Variants in KCNH8 observed in about 807,000 individuals in gnomAD.
The protein encoded by KCNH8 is voltage-gated delayed rectifier potassium channel KCNH8.
Under a neutral mutation model 103.6 loss-of-function variants are expected in KCNH8, and 70 were observed. The ratio of observed to expected loss-of-function variants is 0.68; its 90% CI spans 0.56 to 0.82. The LOEUF (loss-of-function observed/expected upper bound fraction) is 0.82. Among genes scored for constraint, KCNH8 ranks in the 40% least tolerant of loss-of-function variants. The pLI is 0.00. For missense variants in KCNH8, 1,217 were observed against 1,329.9 expected (o/e 0.92, Z 1.32); for synonymous variants, 498 against 489.4 (o/e 1.02, Z -0.23).
chr3:19,175,323 G>A (rs1323997725), intron 1 of KCNH8, among the ~76,000 whole-genome samples: 5 of 150,416 alleles, frequency 3.3e-5, no homozygotes, highest in African/African-American at 4.9e-5. Context: ...CCGGGTTCAC[G>A]CCATTCTCCT....
chr3:19,267,163 G>T (rs143147501), intron 2 of KCNH8, among the ~76,000 whole-genome samples: 2 of 152,054 alleles, frequency 1.3e-5, no homozygotes, highest in African/African-American at 2.4e-5. Context: ...AACAAAAAAG[G>T]CAGCTGAGAG....
At chr3:19,219,300 C>T (rs2063848281) in intron 1 of KCNH8, among the ~76,000 whole-genome samples, 1 of 152,194 alleles carries the variant, frequency 6.6e-6, no homozygotes, top group Non-Finnish European at 1.5e-5. Context: ...CCTCCTCATA[C>T]CCCTCAAACT....
chr3:19,479,898 C>G (rs1005316364), intron 11 of KCNH8, among the ~76,000 whole-genome samples: 4 of 152,140 alleles, frequency 2.6e-5, no homozygotes, highest in African/African-American at 9.7e-5. Flanking sequence ...ACATGTTCCT[C>G]CAATCTGCTT....
At chr3:19,486,766 G>C (rs1330791745) in intron 11 of KCNH8, among the ~76,000 whole-genome samples, 1 of 152,140 alleles carries the variant, frequency 6.6e-6, no homozygotes, top group African/African-American at 2.4e-5. Flanking sequence ...GTACTGCAAA[G>C]TTTGGAATCC....
chr3:19,479,436 T>C (rs918107069), intron 11 of KCNH8, among the ~76,000 whole-genome samples: 8 of 152,176 alleles, frequency 5.3e-5, no homozygotes, highest in Non-Finnish European at 1.0e-4. Context: ...AAAGGAAATA[T>C]AGTAGAGACT....
chr3:19,199,972 CTA>C (rs2063640425), intron 1 of KCNH8, among the ~76,000 whole-genome samples: 1 of 151,944 alleles, frequency 6.6e-6, no homozygotes, highest in East Asian at 1.9e-4. Context: ...CTATAAATTC[CTA>C]TGTGACGTGA....
chr3:19,483,026 T>C (rs1313912848), intron 11 of KCNH8, among the ~76,000 whole-genome samples: 5 of 151,586 alleles, frequency 3.3e-5, no homozygotes, highest in South Asian at 2.1e-4. Context: ...ATGATTTTTT[T>C]TCAGGGGGCT....
At chr3:19,220,902 C>G (rs2125231380) in intron 1 of KCNH8, among the ~76,000 whole-genome samples, 1 of 152,242 alleles carries the variant, frequency 6.6e-6, no homozygotes, top group South Asian at 2.1e-4. Context: ...AAAGCTTTAT[C>G]AAGAACCTAA....
intron 11 of KCNH8, among the ~76,000 whole-genome samples, chr3:19,500,754 C>A (rs953803714): frequency 6.6e-6 from 1 of 151,886 alleles, no homozygotes; most frequent in Non-Finnish European, 1.5e-5. Flanking sequence ...CACAACATAC[C>A]AGAATCTCTG....
intron 7 of KCNH8, among the ~76,000 whole-genome samples, chr3:19,412,844 G>C (rs1327736886): frequency 6.6e-6 from 1 of 151,934 alleles, no homozygotes; most frequent in African/African-American, 2.4e-5. Context: ...ACACCAGTCA[G>C]AATGGCTATT....
At chr3:19,423,699 C>CA (rs1456429747) in intron 7 of KCNH8, among the ~76,000 whole-genome samples, 14 of 151,794 alleles carry the variant, frequency 9.2e-5, no homozygotes, top group Admixed American at 3.3e-4. Flanking sequence ...GGCATTTAGG[C>CA]TGGTTTCATA....
intron 7 of KCNH8, among the ~76,000 whole-genome samples, chr3:19,412,964 C>G (rs1032439396): frequency 4.6e-5 from 7 of 151,950 alleles, no homozygotes; most frequent in African/African-American, 1.7e-4. Flanking sequence ...GGAAATTTCT[C>G]AAAGAATTTA....
At chr3:19,492,830 CGTGTGTGTGTGTGTGTGT>C (rs67383228) in intron 11 of KCNH8, among the ~76,000 whole-genome samples, 3,680 of 123,506 alleles carry the variant, frequency 0.03, 115 homozygotes, top group East Asian at 0.18. Context: ...AATGTTTTTT[CGTGTGTGTGTGTGTGTGT>C]GTGTGTGTGT....
At chr3:19,289,170 G>A (rs1230614114) in intron 3 of KCNH8, among the ~76,000 whole-genome samples, 1 of 151,946 alleles carries the variant, frequency 6.6e-6, no homozygotes, top group Non-Finnish European at 1.5e-5. Flanking sequence ...CTCCCATTCT[G>A]TAGGTTGCCT....
intron 11 of KCNH8, among the ~76,000 whole-genome samples, chr3:19,481,692 T>C (rs971695318): frequency 1.3e-5 from 2 of 152,200 alleles, no homozygotes; most frequent in African/African-American, 2.4e-5. Flanking sequence ...TTGAGCAACC[T>C]TGCATCATGA....
chr3:19,304,569 A>T (rs1057477431), intron 3 of KCNH8, among the ~76,000 whole-genome samples: 4 of 152,146 alleles, frequency 2.6e-5, no homozygotes, highest in Non-Finnish European at 5.9e-5. Flanking sequence ...GAAGATTAAA[A>T]GATAATGATA....
rs368672478 is a variant in KCNH8 at position 19,376,659 on chromosome 3, C to G, written c.812-13822C>G. On this transcript the variant is annotated intron_variant, in intron 5 of 15. Transcript: ENST00000328405. ...TATTTTAAATTTACTAATGTATTGC[C>G]CACAGCCTGATTATTATTGTGGTTT... Among the ~76,000 whole-genome samples, 10 of 152,294 alleles carry G rather than the reference C, an allele frequency of 6.6e-5. No homozygotes were observed. The South Asian group carries it at 1.7e-3, about 25-fold the overall frequency.
In KCNH8 at chr3:19,438,663, G is replaced by T. The variant is rs145185971; in HGVS notation, c.1375+302G>T. ...CAGCTTACTGTTTTATCCTGCAAAG[G>T]TAAGATGAAGTAAGAGGTGGCTATG... On this transcript the variant is annotated intron_variant, in intron 8 of 15. Coordinates refer to ENST00000328405, the MANE Select transcript of KCNH8 (RefSeq NM_144633.3). Among the ~76,000 whole-genome samples the T allele has an allele frequency of 4.0e-3, 611 of 152,220 alleles. 4 individuals are homozygous for T. The highest frequency in any genetic ancestry group is 0.017 in the South Asian group (80 of 4,818).
intron 7 of KCNH8, among the ~76,000 whole-genome samples, chr3:19,426,240 GCCACTTCTGGTA>G (rs2067026998): frequency 6.6e-6 from 1 of 152,082 alleles, no homozygotes; most frequent in African/African-American, 2.4e-5. Flanking sequence ...TATGCCTCTT[GCCACTTCTGGTA>G]CCTGGCCAAA....
Sources: gnomAD v4.1 joint callset for allele counts (sites outside exome capture counted in the v4.1 genomes callset) on GRCh38, gnomAD v4.1.1 for gene constraint, MANE v1.5 for transcripts, NCBI Gene and HGNC (gene_info 2026-07-23, HGNC 2026-07-21) for gene names.